SNX25: variants seen among roughly 807,000 people sequenced by gnomAD.
SNX25 encodes the protein sorting nexin 25.
In SNX25, 62 loss-of-function variants were observed where a neutral mutation model predicts 113.7. That is an observed-to-expected ratio of 0.55 (90% CI 0.44 to 0.67). The LOEUF is 0.67. SNX25 is among the 30% of genes least tolerant of loss of function. The probability of loss-of-function intolerance (pLI) is 0.00; values close to 1 mark genes in which losing one functional copy is unlikely to be tolerated. For synonymous variants in SNX25, 421 were observed against 436.2 expected (o/e 0.97, Z 0.43); for missense variants, 1,014 against 1,161.0 (o/e 0.87, Z 1.84).
intron 6 of SNX25, among the ~76,000 whole-genome samples, chr4:185,294,494 C>A (rs1192113167): frequency 5.3e-5 from 8 of 152,152 alleles, no homozygotes; most frequent in African/African-American, 1.9e-4. Flanking sequence ...TGGTCTTGGA[C>A]ATCCTGGATT....
chr4:185,300,839 T>TCA (rs1560985826), intron 6 of SNX25, among the ~76,000 whole-genome samples: 1 of 49,648 alleles, frequency 2.0e-5, no homozygotes, highest in Non-Finnish European at 3.9e-5. Context: ...ATGATTATTA[T>TCA]GACACACACA....
rs1423568202 is a variant in SNX25 at position 185,277,715 on chromosome 4, ATT to A, written c.1092-10296_1092-10295del. ...AGGAAATGATGAGTTTTGAGTACTT[ATT>A]ACCTTTTTTTTTTTTTTTTTTTTTT... On this transcript the variant is annotated intron_variant, in intron 5 of 18. Coordinates refer to ENST00000652585, the MANE Select transcript of SNX25 (RefSeq NM_001378034.2). 1.3e-3 allele frequency among the ~76,000 whole-genome samples: 104 copies of A among 80,628 alleles called. 15 individuals carry two copies. The highest frequency in any genetic ancestry group is 4.4e-3 in the African/African-American group (99 of 22,756). The allele number at this position is 80,628 out of a possible 152,430, so 52.9% of individuals were successfully genotyped here. A position where few individuals can be genotyped will look rare whatever the true frequency, so the allele number is the denominator to read the frequency against.
At chr4:185,233,003 G>C (rs1279143873) in intron 1 of SNX25, among the ~76,000 whole-genome samples, 2 of 152,170 alleles carry the variant, frequency 1.3e-5, no homozygotes, top group African/African-American at 2.4e-5. Flanking sequence ...TGAAGCCAAG[G>C]CTGGGTGTGG....
chr4:185,367,246 C>T, downstream of SNX25: 1 of 1,608,876 alleles, frequency 6.2e-7, no homozygotes, highest in Middle Eastern at 1.7e-4. Context: ...GACGACAAGC[C>T]TTAAAATCAA....
chr4:185,285,421 G>A (rs928043829), intron 5 of SNX25, among the ~76,000 whole-genome samples: 5 of 152,278 alleles, frequency 3.3e-5, no homozygotes, highest in South Asian at 4.1e-4. Context: ...GAGTATTTTC[G>A]TGCGTTTCTT....
chr4:185,343,688 C>T (rs2095271257), intron 12 of SNX25, among the ~76,000 whole-genome samples: 1 of 152,128 alleles, frequency 6.6e-6, no homozygotes. Context: ...GGGTCATTGC[C>T]TTTTTTCCCC....
chr4:185,308,401 C>T (rs920958617), intron 6 of SNX25, among the ~76,000 whole-genome samples: 3 of 152,210 alleles, frequency 2.0e-5, no homozygotes, highest in African/African-American at 4.8e-5. Context: ...CTTCTGAAAA[C>T]TCTCCACTGG....
chr4:185,318,291 A>G (rs1384922662), intron 7 of SNX25, among the ~76,000 whole-genome samples: 2 of 152,236 alleles, frequency 1.3e-5, no homozygotes, highest in Non-Finnish European at 2.9e-5. Context: ...ATTCAGAACT[A>G]AGAATATAGG....
rs913561287 is a variant in SNX25 at position 185,306,042 on chromosome 4, A to C, written c.1163-4593A>C. On this transcript the variant is annotated intron_variant, in intron 6 of 18. Coordinates refer to ENST00000652585, the MANE Select transcript of SNX25 (RefSeq NM_001378034.2). ...TAACAATGCACAGTGTTACTACTTA[A>C]CACTCTATAGAGAAACAGCCACATA... Among the ~76,000 whole-genome samples, 9 of 152,160 alleles carry C rather than the reference A, an allele frequency of 5.9e-5. No homozygotes were observed. The East Asian group carries it at 1.7e-3, about 29-fold the overall frequency.
chr4:185,344,944 CAG>C (rs2095278262), intron 12 of SNX25, among the ~76,000 whole-genome samples: 1 of 152,080 alleles, frequency 6.6e-6, no homozygotes. Context: ...GAATTTTCCC[CAG>C]AGTTGTTGAG....
intron 1 of SNX25, among the ~76,000 whole-genome samples, chr4:185,217,724 A>G (rs3108292): frequency 0.63 from 95,131 of 151,992 alleles, 30,145 homozygotes; most frequent in East Asian, 0.73. Flanking sequence ...CTTAAAATGT[A>G]GGATTCTTTA....
chr4:185,315,439 G>T (rs1450472042), intron 7 of SNX25, among the ~76,000 whole-genome samples: 1 of 151,362 alleles, frequency 6.6e-6, no homozygotes, highest in Non-Finnish European at 1.5e-5. Flanking sequence ...AATTACAGGC[G>T]TGCACCACCA....
At chr4:185,245,971 C>CT (rs1744810259) in intron 1 of SNX25, among the ~76,000 whole-genome samples, 2 of 151,970 alleles carry the variant, frequency 1.3e-5, no homozygotes, top group Admixed American at 6.6e-5. Flanking sequence ...GGGCAGAGTC[C>CT]TAGGAGTGGC....
At chr4:185,366,216 A>G (rs150014613), downstream of SNX25, 1 of 152,342 alleles carries the variant, frequency 6.6e-6, no homozygotes, top group Non-Finnish European at 1.5e-5. Flanking sequence ...TTGCCTTCAT[A>G]GATGTCATCT....
the SNX25 span, chr4:185,377,508 A>G: frequency 6.0e-6 from 1 of 167,334 alleles, no homozygotes; most frequent in Non-Finnish European, 1.3e-5. Context: ...ACAAGAGCGA[A>G]ACTCCATCTC....
chr4:185,351,926 T>C (rs2095317358), intron 14 of SNX25, among the ~76,000 whole-genome samples: 1 of 150,172 alleles, frequency 6.7e-6, no homozygotes, highest in African/African-American at 2.5e-5. Context: ...GGGTTCATGC[T>C]GAAGGTTCAC....
At chr4:185,261,168 A>G (rs13134271) in intron 3 of SNX25, among the ~76,000 whole-genome samples, 11 of 146,454 alleles carry the variant, frequency 7.5e-5, no homozygotes, top group East Asian at 3.9e-4. Flanking sequence ...ATGTATGTAT[A>G]TATAATTTTT....
In SNX25 at chr4:185,363,367, C is replaced by T. The variant is rs1370167255; in HGVS notation, c.2935-18C>T. On this transcript the variant is annotated intron_variant, in intron 18 of 18. Transcript: ENST00000652585. This position sits in a 1 kb window ranked among gnomAD's most constrained non-coding sequence, Gnocchi z 4.2. ...GAGAAAAACATTTTTCCACTTTTTT[C>T]CTTCTTTGTTGGTTCAGGCGCTGAT... 1 of 1,611,582 alleles carries T rather than the reference C, an allele frequency of 6.2e-7. No homozygotes were observed. Among genetic ancestry groups the T allele is most frequent in the Non-Finnish European group, 8.5e-7 (1 of 1,179,050 alleles).
chr4:185,271,077 C>T (rs1249051527), intron 5 of SNX25, among the ~76,000 whole-genome samples: 4 of 152,232 alleles, frequency 2.6e-5, no homozygotes, highest in Middle Eastern at 3.4e-3. Context: ...CCTGCCACAG[C>T]GTACCCACCG....
Sources: gnomAD v4.1 joint callset for allele counts (sites outside exome capture counted in the v4.1 genomes callset) on GRCh38, gnomAD v4.1.1 for gene constraint, Gnocchi (gnomAD v3.1) non-coding constraint, MANE v1.5 for transcripts, NCBI Gene and HGNC (gene_info 2026-07-23, HGNC 2026-07-21) for gene names.